Variants in IMPG1 observed in about 807,000 individuals in gnomAD.
IMPG1 encodes interphotoreceptor matrix proteoglycan of 150 kDa.
Under a neutral mutation model 92.0 loss-of-function variants are expected in IMPG1, and 85 were observed. The ratio of observed to expected loss-of-function variants is 0.92; its 90% CI spans 0.78 to 1.11. The LOEUF is 1.11. IMPG1 is among the 50% of genes least tolerant of loss of function. IMPG1 has a pLI of 0.00. For synonymous variants in IMPG1, 367 were observed against 334.1 expected (o/e 1.10, Z -1.08); for missense variants, 1,022 against 956.0 (o/e 1.07, Z -0.91).
rs527460259 is a variant in IMPG1 at position 75,938,497 on chromosome 6, T to C, written c.2045-7346A>G. ...ATCTGGGCATTGCCTGTAAATACAA[T>C]AAAATTGGGGCACAGACAGCAAATA... On this transcript the variant is annotated intron_variant, in intron 14 of 16. Transcript: ENST00000369950. Among the ~76,000 whole-genome samples the C allele has an allele frequency of 8.5e-5, 13 of 152,282 alleles. No homozygotes were observed. The East Asian group carries it at 2.1e-3, about 25-fold the overall frequency.
At chr6:75,971,182 G>A (rs1054075507) in intron 12 of IMPG1, among the ~76,000 whole-genome samples, 1 of 152,100 alleles carries the variant, frequency 6.6e-6, no homozygotes, top group African/African-American at 2.4e-5. Context: ...CATGGATGAA[G>A]CTGGAAACCA....
chr6:75,936,883 G>C (rs1213405434), intron 14 of IMPG1, among the ~76,000 whole-genome samples: 2 of 152,220 alleles, frequency 1.3e-5, no homozygotes, highest in African/African-American at 2.4e-5. Context: ...TGTGTTAACA[G>C]GTTGGCCAAA....
intron 1 of IMPG1, among the ~76,000 whole-genome samples, chr6:76,062,980 G>T (rs1784232112): frequency 6.6e-6 from 1 of 151,710 alleles, no homozygotes; most frequent in Admixed American, 6.6e-5. Flanking sequence ...GAGGTGAGTG[G>T]ATTATTTGAG....
rs372630300 is a variant in IMPG1, at chr6:76,025,278, G to T, written c.498-20C>A. On this transcript the variant is annotated intron_variant, in intron 4 of 16. Transcript: ENST00000369950. ...TCTTTTCTATTAGTACAATAGAAAA[G>T]AAGGAAGAGGTGGTGAAAGAGAACT... The T allele has an allele frequency of 7.1e-7, 1 of 1,408,938 alleles. No individual in the cohort carries two copies. The highest frequency in any genetic ancestry group is 1.2e-5 in the South Asian group (1 of 82,926). 87.3% of individuals were successfully genotyped at this position (1,408,938 alleles called of 1,614,324 possible).
At position 76,007,497 on chromosome 6, in the gene IMPG1, T is replaced by C; in HGVS notation, c.870A>G (p.Pro290=). The part of the protein sequence containing the change: ...FKKIHVLGFR[P]KKEKDGSSST... Reference sequence around the variant, plus strand: ...CAAATTACCCATCTTTTTCTTTCTTTGGTCTTCATTTCATCATGCACAATG... The same window carrying C: ...CAAATTACCCATCTTTTTCTTTCTTCGGTCTTCATTTCATCATGCACAATG... Residue 290 remains proline (P), a synonymous_variant, in exon 9 of 17, where the codon CCA becomes CCG. Transcript: ENST00000369950. The C allele has an allele frequency of 6.3e-7, 1 of 1,599,148 alleles. No individual in the cohort carries two copies. Among genetic ancestry groups the C allele is most frequent in the Non-Finnish European group, 8.5e-7 (1 of 1,170,320 alleles).
intron 12 of IMPG1, among the ~76,000 whole-genome samples, chr6:76,002,623 G>T (rs371005913): frequency 8.5e-5 from 13 of 152,302 alleles, no homozygotes; most frequent in African/African-American, 3.1e-4. Context: ...GTTGTTCTGG[G>T]TGAGCAGCAG....
intron 1 of IMPG1, among the ~76,000 whole-genome samples, chr6:76,067,151 C>A (rs1784322911): frequency 6.6e-6 from 1 of 151,676 alleles, no homozygotes; most frequent in African/African-American, 2.4e-5. Context: ...AAAAACAAAT[C>A]ACACCCAAAG....
intron 12 of IMPG1, among the ~76,000 whole-genome samples, chr6:75,997,033 A>T (rs544997034): frequency 3.9e-5 from 6 of 152,340 alleles, no homozygotes; most frequent in African/African-American, 1.4e-4. Flanking sequence ...TGAAGGACAT[A>T]TTAAGTCACC....
chr6:75,934,337 G>A (rs1226960723), intron 14 of IMPG1, among the ~76,000 whole-genome samples: 1 of 152,252 alleles, frequency 6.6e-6, no homozygotes, highest in Non-Finnish European at 1.5e-5. Flanking sequence ...GAGCTGCCAT[G>A]TAGGGCTTGG....
intron 12 of IMPG1, among the ~76,000 whole-genome samples, chr6:75,962,023 G>T (rs1169974648): frequency 3.9e-5 from 6 of 152,174 alleles, no homozygotes; most frequent in African/African-American, 1.4e-4. Flanking sequence ...GGTGTAAAAT[G>T]CAACCAGTTA....
intron 1 of IMPG1, among the ~76,000 whole-genome samples, chr6:76,069,428 T>A (rs1053414317): frequency 6.6e-6 from 1 of 151,870 alleles, no homozygotes; most frequent in Non-Finnish European, 1.5e-5. Context: ...TTCAACGGAG[T>A]AAATAGATAT....
chr6:76,062,139 A>C (rs902505110), intron 1 of IMPG1, among the ~76,000 whole-genome samples: 1 of 152,168 alleles, frequency 6.6e-6, no homozygotes, highest in Non-Finnish European at 1.5e-5. Context: ...TTTGAGAAAC[A>C]ATTTGGCAAT....
rs1781656702 is a variant in IMPG1 at position 75,930,950 on chromosome 6, C to A, written c.2243+3G>T. 6.2e-7 allele frequency: 1 copy of A among 1,613,572 alleles called. No individual in the cohort carries two copies. Among genetic ancestry groups the A allele is most frequent in the African/African-American group, 1.3e-5 (1 of 74,918 alleles). On this transcript the variant is annotated splice_donor_region_variant and intron_variant, in intron 15 of 16. Coordinates refer to ENST00000369950, the MANE Select transcript of IMPG1 (RefSeq NM_001563.4). The stretch of plus-strand genomic sequence containing the variant: ...GTCTGTGACGTTAGCATGCTTGACC[C>A]ACCTGCATGGAGCTCCCTTTCCCTG...
intron 12 of IMPG1, among the ~76,000 whole-genome samples, chr6:75,999,179 A>G (rs1782946487): frequency 6.6e-6 from 1 of 152,112 alleles, no homozygotes; most frequent in African/African-American, 2.4e-5. Context: ...CTTAACAGAT[A>G]ACTGGCTCTA....
intron 12 of IMPG1, among the ~76,000 whole-genome samples, chr6:75,995,191 A>G (rs1188867381): frequency 6.6e-6 from 1 of 152,172 alleles, no homozygotes; most frequent in African/African-American, 2.4e-5. Flanking sequence ...TCCATCACCA[A>G]TGTCCTAGCT....
intron 14 of IMPG1, among the ~76,000 whole-genome samples, chr6:75,933,969 A>G (rs780899574): frequency 4.6e-5 from 7 of 152,232 alleles, no homozygotes; most frequent in Non-Finnish European, 1.0e-4. Flanking sequence ...ATTAACATTC[A>G]TATCTGTTTA....
intron 15 of IMPG1, among the ~76,000 whole-genome samples, chr6:75,929,633 G>A (rs1212536242): frequency 6.6e-6 from 1 of 150,472 alleles, no homozygotes; most frequent in African/African-American, 2.5e-5. Context: ...ACACCAGCAT[G>A]GCACATGTAT....
intron 1 of IMPG1, among the ~76,000 whole-genome samples, chr6:76,051,907 A>G (rs1299844820): frequency 6.6e-6 from 1 of 152,192 alleles, no homozygotes; most frequent in African/African-American, 2.4e-5. Flanking sequence ...TACAAGAAAT[A>G]AGAGGTTGCT....
chr6:76,051,475 T>G (rs1468910999), intron 1 of IMPG1, among the ~76,000 whole-genome samples: 1 of 152,178 alleles, frequency 6.6e-6, no homozygotes, highest in Non-Finnish European at 1.5e-5. Flanking sequence ...TACAGGTAGT[T>G]CTCAACAAAC....
Sources: gnomAD v4.1 joint callset for allele counts (sites outside exome capture counted in the v4.1 genomes callset) on GRCh38, gnomAD v4.1.1 for gene constraint, MANE v1.5 for transcripts, NCBI Gene and HGNC (gene_info 2026-07-23, HGNC 2026-07-21) for gene names.